The following CBX2 variants were observed in gnomAD, a reference collection of about 807,000 sequenced individuals.
The protein encoded by CBX2 is chromobox protein homolog 2.
Under a neutral mutation model 21.0 loss-of-function variants are expected in CBX2, and 11 were observed. The ratio of observed to expected loss-of-function variants is 0.52; its 90% CI spans 0.33 to 0.87. CBX2 has a LOEUF of 0.87. Among genes scored for constraint, CBX2 ranks in the 40% least tolerant of loss-of-function variants. The pLI is 0.02. For synonymous variants in CBX2, 364 were observed against 304.6 expected (o/e 1.19, Z -2.03); for missense variants, 746 against 724.3 (o/e 1.03, Z -0.34).
rs1286381886 is a variant in CBX2, at chr17:79,778,155, T to A, written c.-81T>A. The A allele has an allele frequency of 2.6e-6, 2 of 769,034 alleles. No homozygotes were observed. The highest frequency in any genetic ancestry group is 3.8e-5 in the African/African-American group (2 of 52,542). The allele number at this position is 769,034 out of a possible 1,614,324, so 47.6% of individuals were successfully genotyped here. A position where few individuals can be genotyped will look rare whatever the true frequency, so the allele number is the denominator to read the frequency against. The stretch of plus-strand genomic sequence containing the variant: ...CCGGCGCCGGGCGGGGGCGGTGCTT[T>A]GTGTGCTGCCGGCGGGGCGCGCGGC... On this transcript the variant is annotated 5_prime_UTR_variant, in exon 1 of 5. Transcript: ENST00000310942. The surrounding 1 kb of genome is among the most constrained non-coding windows in gnomAD (Gnocchi z 4.8).
At chr17:79,781,976 C>T (rs896775377) in intron 4 of CBX2, 175 bp downstream of exon 4, 2 of 1,614,194 alleles carry the variant, frequency 1.2e-6, no homozygotes, top group Non-Finnish European at 1.7e-6. Flanking sequence ...CTTCTGCTGC[C>T]AGGGGCCCCA....
rs782018806 is a variant in CBX2, at chr17:79,784,418, G to A, written c.975G>A (p.Gly325=). The change falls in exon 5 of 5, where the codon GGG becomes GGA. Residue 325 remains glycine (G), a synonymous_variant. Coordinates refer to ENST00000310942, the MANE Select transcript of CBX2 (RefSeq NM_005189.3). This position sits in a 1 kb window ranked among gnomAD's most constrained non-coding sequence, Gnocchi z 5.9. The part of the protein sequence containing the change: ...GAVEQKVGNT[G]GPPHTHGASR... Reference sequence around the variant, plus strand: ...TGGAGCAGAAAGTGGGGAACACAGGGGGCCCCCCGCACACCCATGGTGCCA... The same window carrying A: ...TGGAGCAGAAAGTGGGGAACACAGGAGGCCCCCCGCACACCCATGGTGCCA... The A allele has an allele frequency of 1.9e-6, 3 of 1,611,838 alleles. No homozygotes were observed. Among genetic ancestry groups the A allele is most frequent in the Non-Finnish European group, 2.5e-6 (3 of 1,179,530 alleles).
intron 4 of CBX2, 44 bp downstream of exon 4, chr17:79,781,845 C>T: frequency 6.2e-7 from 1 of 1,614,042 alleles, no homozygotes; most frequent in Non-Finnish European, 8.5e-7. Context: ...TCCCAGCACC[C>T]CCTTGGCGTA....
chr17:79,780,020 CATTTCT>C (rs1440379793), intron 3 of CBX2, among the ~76,000 whole-genome samples: 1 of 152,242 alleles, frequency 6.6e-6, no homozygotes, highest in Non-Finnish European at 1.5e-5. Flanking sequence ...TTCTAGATGT[CATTTCT>C]ATTTTTAGGT....
At chr17:79,782,354 G>C (rs1342801031) in intron 4 of CBX2, 20 of 1,455,918 alleles carry the variant, frequency 1.4e-5, no homozygotes, top group Middle Eastern at 2.5e-4. Context: ...GGACTGTCCT[G>C]TCACCCCTCC....
Position 79,784,754 on chromosome 17 carries a change from C to T in CBX2, c.1311C>T (p.Pro437=). The change falls in exon 5 of 5, where the codon CCC becomes CCT. Residue 437 remains proline (P), a synonymous_variant. Coordinates refer to ENST00000310942, the MANE Select transcript of CBX2 (RefSeq NM_005189.3). The surrounding 1 kb of genome is among the most constrained non-coding windows in gnomAD (Gnocchi z 5.9). ...KRDCVKGSAT[P]SGQESRTAPG... ...ACTGTGTCAAGGGCAGTGCTACCCCCAGTGGGCAGGAGAGCCGCACAGCCC... is the reference window on the plus strand; with the variant it reads ...ACTGTGTCAAGGGCAGTGCTACCCCTAGTGGGCAGGAGAGCCGCACAGCCC... 1 of 1,611,038 alleles carries T rather than the reference C, an allele frequency of 6.2e-7. No homozygotes were observed. Among genetic ancestry groups the T allele is most frequent in the Non-Finnish European group, 8.5e-7 (1 of 1,179,156 alleles).
chr17:79,777,923 ACCCCCG>A (rs1221758472), upstream of CBX2, among the ~76,000 whole-genome samples: 145 of 92,400 alleles, frequency 1.6e-3, no homozygotes, highest in African/African-American at 3.9e-3. Context: ...CCGCGCCCCC[ACCCCCG>A]CCCCCGCCCC....
At chr17:79,781,624 G>A (rs1907206358) in intron 3 of CBX2, 72 bp from the exon 4 acceptor site, 17 of 1,299,344 alleles carry the variant, frequency 1.3e-5, no homozygotes, top group Non-Finnish European at 1.8e-5. Context: ...GGTGCTGGAA[G>A]CCATAGAGTC....
intron 4 of CBX2, chr17:79,782,365 T>C (rs1907291870): frequency 2.1e-6 from 3 of 1,437,762 alleles, no homozygotes; most frequent in Admixed American, 4.9e-5. Flanking sequence ...TCACCCCTCC[T>C]CGCTACAGTG....
At chr17:79,780,826 G>C (rs1907127304) in intron 3 of CBX2, among the ~76,000 whole-genome samples, 2 of 152,296 alleles carry the variant, frequency 1.3e-5, no homozygotes, top group South Asian at 4.1e-4. Context: ...GGAGATCCAT[G>C]CAACACTTCA....
At chr17:79,780,269 C>A (rs1460634158) in intron 3 of CBX2, among the ~76,000 whole-genome samples, 13 of 152,240 alleles carry the variant, frequency 8.5e-5, no homozygotes, top group Admixed American at 6.5e-4. Context: ...CAGGGTCAAT[C>A]TGGACGGTTT....
Position 79,784,776 on chromosome 17 carries a change from G to A in CBX2, c.1333G>A (p.Ala445Thr). 6.2e-7 allele frequency: 1 copy of A among 1,610,610 alleles called. No individual in the cohort carries two copies. Among genetic ancestry groups the A allele is most frequent in the Non-Finnish European group, 8.5e-7 (1 of 1,178,906 alleles). ...ATPSGQESRT[A>T]PGEARKAATL... Reference sequence around the variant, plus strand: ...CCCCAGTGGGCAGGAGAGCCGCACAGCCCCCGGAGAAGCCCGCAAGGCGGC... The same window carrying A: ...CCCCAGTGGGCAGGAGAGCCGCACAACCCCCGGAGAAGCCCGCAAGGCGGC... The change falls in exon 5 of 5, where the codon GCC becomes ACC. Residue 445 changes from alanine (A) to threonine (T), a missense_variant. By Grantham distance (58) the Ala-to-Thr change is moderately conservative. Around this residue, in one of 2 missense-constraint regions of CBX2, gnomAD observed 701 missense variants for 650.7 expected, o/e 1.08. Coordinates refer to ENST00000310942, the MANE Select transcript of CBX2 (RefSeq NM_005189.3). The surrounding 1 kb of genome is among the most constrained non-coding windows in gnomAD (Gnocchi z 5.9).
intron 2 of CBX2, 29 bp from the exon 3 acceptor site, chr17:79,779,333 C>G (rs1555829728): frequency 6.2e-7 from 1 of 1,610,706 alleles, no homozygotes; most frequent in Non-Finnish European, 8.5e-7. Flanking sequence ...AGCCTGGCGT[C>G]TAATGCTGCC....
chr17:79,779,134 G>A lies in CBX2; in HGVS notation c.117-228G>A, dbSNP rs372603247. Reference sequence around the variant, plus strand: ...CCTCTTGTGGCCTTGTTTTAATTGGGGGGTTGGAGCGGCAGTTTCCCTTTG... The same window carrying A: ...CCTCTTGTGGCCTTGTTTTAATTGGAGGGTTGGAGCGGCAGTTTCCCTTTG... On this transcript the variant is annotated intron_variant, in intron 2 of 4. Coordinates refer to ENST00000310942, the MANE Select transcript of CBX2 (RefSeq NM_005189.3). Among the ~76,000 whole-genome samples the A allele has an allele frequency of 1.1e-4, 16 of 152,338 alleles. No individual in the cohort carries two copies. The East Asian group carries it at 1.9e-3, about 18-fold the overall frequency.
rs1290485944 is a variant in CBX2 at position 79,787,750 on chromosome 17, T to C, written c.*2708T>C. On this transcript the variant is annotated 3_prime_UTR_variant, in exon 5 of 5. Coordinates refer to ENST00000310942, the MANE Select transcript of CBX2 (RefSeq NM_005189.3). The stretch of plus-strand genomic sequence containing the variant: ...ATTGAATAGGAAGCAGTGGCCAGTC[T>C]GTCTTCCTTAGAGATGTTAGCATAT... The C allele has an allele frequency of 1.3e-5, 2 of 152,246 alleles. No homozygotes were observed. The highest frequency in any genetic ancestry group is 2.9e-5 in the Non-Finnish European group (2 of 68,056). 9.4% of individuals were successfully genotyped at this position (152,246 alleles called of 1,614,324 possible). A position where few individuals can be genotyped will look rare whatever the true frequency, so the allele number is the denominator to read the frequency against.
At chr17:79,781,408 G>A (rs782053825) in intron 3 of CBX2, among the ~76,000 whole-genome samples, 6 of 152,260 alleles carry the variant, frequency 3.9e-5, no homozygotes, top group Non-Finnish European at 8.8e-5. Flanking sequence ...CAGTGCACCT[G>A]CAGGAAGCTG....
rs781850660 is a variant in CBX2, at chr17:79,784,348, G to A, written c.905G>A (p.Ser302Asn). Residue 302 changes from serine to asparagine, a missense_variant, in exon 5 of 5, where the codon AGC becomes AAC. Physicochemically the swap from Ser to Asn is conservative, Grantham distance 46. Transcript: ENST00000310942. This position sits in a 1 kb window ranked among gnomAD's most constrained non-coding sequence, Gnocchi z 5.9. Reference sequence around the variant, plus strand: ...ACGCAGAAAGGGGAGCTGGGAATGAGCCCTCCAGGAAGCAAAATCCCGAAG... The same window carrying A: ...ACGCAGAAAGGGGAGCTGGGAATGAACCCTCCAGGAAGCAAAATCCCGAAG... Reference protein sequence around the residue: ...VRTQKGELGMSPPGSKIPKAP... With the variant: ...VRTQKGELGMNPPGSKIPKAP... The A allele has an allele frequency of 9.3e-6, 15 of 1,613,218 alleles. No homozygotes were observed. In the South Asian group the frequency reaches 1.5e-4, roughly 17 times the overall value.
chr17:79,783,130 C>G (rs1165170850), intron 4 of CBX2, among the ~76,000 whole-genome samples: 1 of 152,222 alleles, frequency 6.6e-6, no homozygotes, highest in Non-Finnish European at 1.5e-5. Context: ...TCTGCATCCC[C>G]CTTGAAAGCT....
rs1906962457 is a variant in CBX2 at position 79,779,075 on chromosome 17, G to A, written c.117-287G>A. Among the ~76,000 whole-genome samples, 7 of 152,342 alleles carry A rather than the reference G, an allele frequency of 4.6e-5. 1 individual carries two copies. In the South Asian group the frequency reaches 1.5e-3, roughly 32 times the overall value. ...CTCTGCAACTTTGCGTTTTATGGGG[G>A]TTTGTTTTTCTCCCAGGCAGAGACT... On this transcript the variant is annotated intron_variant, in intron 2 of 4. Coordinates refer to ENST00000310942, the MANE Select transcript of CBX2 (RefSeq NM_005189.3).
Sources: allele counts gnomAD v4.1 joint callset (sites outside exome capture counted in the v4.1 genomes callset), GRCh38; gene constraint gnomAD v4.1.1; regional missense constraint gnomAD v4.1.1; non-coding constraint Gnocchi (gnomAD v3.1); transcripts MANE v1.5; gene names NCBI Gene and HGNC (gene_info 2026-07-23, HGNC 2026-07-21).